SPIRE1: variants seen among roughly 807,000 people sequenced by gnomAD.
SPIRE1 encodes protein spire homolog 1.
Under a neutral mutation model 94.1 loss-of-function variants are expected in SPIRE1, and 40 were observed. The observed-to-expected ratio is 0.43, with a 90% confidence interval of 0.33 to 0.55. SPIRE1 has a LOEUF of 0.55. SPIRE1 is among the 20% of genes least tolerant of loss of function. The probability of loss-of-function intolerance (pLI) is 0.06; values close to 1 mark genes in which losing one functional copy is unlikely to be tolerated. For synonymous variants in SPIRE1, 376 were observed against 371.7 expected (o/e 1.01, Z -0.13); for missense variants, 838 against 975.2 (o/e 0.86, Z 1.87).
At chr18:12,611,551 T>C (rs2037141472) in intron 2 of SPIRE1, among the ~76,000 whole-genome samples, 1 of 152,264 alleles carries the variant, frequency 6.6e-6, no homozygotes, top group Non-Finnish European at 1.5e-5. Flanking sequence ...ATATATTGAC[T>C]AAAACTTCAC....
chr18:12,512,692 C>G (rs1008771937), intron 4 of SPIRE1, among the ~76,000 whole-genome samples, 161 bp from the exon 5 acceptor site: 1 of 151,938 alleles, frequency 6.6e-6, no homozygotes, highest in African/African-American at 2.4e-5. Flanking sequence ...AAAATGGAAC[C>G]CTGAGGATCC....
At chr18:12,588,181 G>A (rs2036438538) in intron 2 of SPIRE1, among the ~76,000 whole-genome samples, 1 of 152,002 alleles carries the variant, frequency 6.6e-6, no homozygotes, top group Non-Finnish European at 1.5e-5. Context: ...ATATTCTGTT[G>A]TATGGATATA....
chr18:12,600,659 T>G (rs1260747837), intron 2 of SPIRE1, among the ~76,000 whole-genome samples: 1 of 152,160 alleles, frequency 6.6e-6, no homozygotes, highest in African/African-American at 2.4e-5. Flanking sequence ...TATTCACGTA[T>G]TTAGAGTCTT....
intron 2 of SPIRE1, among the ~76,000 whole-genome samples, chr18:12,587,490 G>A (rs2036418209): frequency 6.6e-6 from 1 of 151,140 alleles, no homozygotes; most frequent in Non-Finnish European, 1.5e-5. Flanking sequence ...TGGATCAACT[G>A]GCCCAGGAGC....
At chr18:12,590,570 A>C (rs1163434701) in intron 2 of SPIRE1, among the ~76,000 whole-genome samples, 1 of 152,174 alleles carries the variant, frequency 6.6e-6, no homozygotes, top group Non-Finnish European at 1.5e-5. Context: ...TAGACTATTT[A>C]AATTGAAAAC....
chr18:12,456,851 G>A (rs1461387881), intron 12 of SPIRE1, among the ~76,000 whole-genome samples: 1 of 152,038 alleles, frequency 6.6e-6, no homozygotes, highest in Non-Finnish European at 1.5e-5. Flanking sequence ...TTTTTCTTTC[G>A]TTTTGAGACA....
intron 2 of SPIRE1, among the ~76,000 whole-genome samples, chr18:12,569,634 AAC>A (rs1475289126): frequency 1.3e-5 from 1 of 74,980 alleles, no homozygotes; most frequent in Non-Finnish European, 3.8e-5. Context: ...AAACAACAAC[AAC>A]AAAAAAAAAA....
At chr18:12,506,221 G>A (rs966531713) in intron 6 of SPIRE1, among the ~76,000 whole-genome samples, 1 of 152,030 alleles carries the variant, frequency 6.6e-6, no homozygotes, top group African/African-American at 2.4e-5. Context: ...GCAGTGGCTC[G>A]ATCTTGGGTC....
At chr18:12,596,977 G>A (rs1252071026) in intron 2 of SPIRE1, among the ~76,000 whole-genome samples, 1 of 144,002 alleles carries the variant, frequency 6.9e-6, no homozygotes, top group Non-Finnish European at 1.5e-5. Flanking sequence ...TGAGCAACCC[G>A]CCCAAAAGCC....
At chr18:12,478,555 G>A (rs1299882343) in intron 10 of SPIRE1, among the ~76,000 whole-genome samples, 1 of 145,124 alleles carries the variant, frequency 6.9e-6, no homozygotes, top group Non-Finnish European at 1.5e-5. Context: ...TGTGTGTGAA[G>A]CTAGGGTGTG....
At chr18:12,504,541 A>G (rs2033769867) in intron 6 of SPIRE1, among the ~76,000 whole-genome samples, 2 of 152,338 alleles carry the variant, frequency 1.3e-5, no homozygotes, top group Non-Finnish European at 1.5e-5. Context: ...GTGATGTTTC[A>G]TAAGAACCTT....
chr18:12,544,420 T>C (rs946682754), intron 3 of SPIRE1, among the ~76,000 whole-genome samples: 3 of 151,986 alleles, frequency 2.0e-5, no homozygotes, highest in Admixed American at 1.3e-4. Flanking sequence ...GGCCAGCTAG[T>C]CTTGAACTCT....
chr18:12,641,374 CTT>C (rs67745102), intron 1 of SPIRE1, among the ~76,000 whole-genome samples: 4 of 143,728 alleles, frequency 2.8e-5, no homozygotes, highest in Admixed American at 7.0e-5. Context: ...TTCTTTTTTT[CTT>C]TTTTTTTTTT....
At chr18:12,656,315 G>A (rs62095974) in intron 1 of SPIRE1, among the ~76,000 whole-genome samples, 87 of 151,946 alleles carry the variant, frequency 5.7e-4, no homozygotes, top group South Asian at 1.7e-3. Flanking sequence ...GCCCATCAAA[G>A]AAACAAAAAT....
intron 2 of SPIRE1, among the ~76,000 whole-genome samples, chr18:12,610,679 G>A (rs563803542): frequency 6.6e-6 from 1 of 152,186 alleles, no homozygotes; most frequent in East Asian, 1.9e-4. Flanking sequence ...CCTGAATCTT[G>A]TGTGGGTCAT....
intron 8 of SPIRE1, among the ~76,000 whole-genome samples, chr18:12,488,871 G>C (rs1350693218): frequency 6.6e-6 from 1 of 152,134 alleles, no homozygotes; most frequent in Non-Finnish European, 1.5e-5. Flanking sequence ...AAATTGATTA[G>C]GGATTTTGTG....
intron 1 of SPIRE1, among the ~76,000 whole-genome samples, chr18:12,639,276 T>C (rs1049580331): frequency 6.6e-6 from 1 of 151,510 alleles, no homozygotes; most frequent in East Asian, 2.0e-4. Context: ...AAAAAAAAAA[T>C]TCTGGGTGAA....
In SPIRE1 at chr18:12,484,967, GT is replaced by G. The variant is rs201441208; in HGVS notation, c.1231+991del. Reference sequence around the variant, plus strand: ...TATTTAAAGTTTTAATTTATAAAGGGTTGATTTTATAGCTCAAATTTAGTTA... The same window carrying G: ...TATTTAAAGTTTTAATTTATAAAGGGTGATTTTATAGCTCAAATTTAGTTA... On this transcript the variant is annotated intron_variant, in intron 9 of 16. Transcript: ENST00000409402. 5.9e-5 allele frequency among the ~76,000 whole-genome samples: 9 copies of G among 152,064 alleles called. No homozygotes were observed. In the East Asian group the frequency reaches 1.5e-3, roughly 26 times the overall value.
chr18:12,451,004 C>T, intron 16 of SPIRE1: 1 of 499,194 alleles, frequency 2.0e-6, no homozygotes, highest in South Asian at 1.9e-5. Flanking sequence ...TGAAGATGAA[C>T]AAGATGAAAA....
Sources: allele counts gnomAD v4.1 joint callset (sites outside exome capture counted in the v4.1 genomes callset), GRCh38; gene constraint gnomAD v4.1.1; transcripts MANE v1.5; gene names NCBI Gene and HGNC (gene_info 2026-07-23, HGNC 2026-07-21).